DOCK1: variants seen among roughly 807,000 people sequenced by gnomAD.
The protein encoded by DOCK1 is dedicator of cytokinesis 1, also known as dedicator of cytokinesis protein 1.
DOCK1 carries 138 observed loss-of-function variants against 262.7 expected under a neutral mutation model. The ratio of observed to expected loss-of-function variants is 0.53; its 90% CI spans 0.46 to 0.61. The LOEUF (loss-of-function observed/expected upper bound fraction) is 0.61. Ranked by LOEUF, DOCK1 falls within the 20% of genes least tolerant of loss-of-function variation. The pLI is 0.00. For synonymous variants in DOCK1, 866 were observed against 867.4 expected (o/e 1.00, Z 0.03); for missense variants, 1,908 against 2,370.7 (o/e 0.80, Z 4.05).
intron 29 of DOCK1, among the ~76,000 whole-genome samples, chr10:127,266,723 C>G (rs551161560): frequency 1.3e-5 from 2 of 152,152 alleles, no homozygotes; most frequent in African/African-American, 2.4e-5. Flanking sequence ...AATTGAAACT[C>G]AGTATAGTGA....
At position 127,156,613 on chromosome 10, in the gene DOCK1, G is replaced by GCT. The variant is rs376971351; in HGVS notation, c.2847+28850_2847+28851dup. ...ACCAAGTTTCGCTCTTGTTGCCCAG[G>GCT]CTGGAGTGCAATGGGCACAATCTGG... is the stretch of plus-strand genomic sequence containing the variant. On this transcript the variant is annotated intron_variant, in intron 27 of 51. Coordinates refer to ENST00000623213, the MANE Select transcript of DOCK1 (RefSeq NM_001290223.2). 6.5e-3 allele frequency among the ~76,000 whole-genome samples: 841 copies of GCT among 128,520 alleles called. 3 individuals carry two copies. Among genetic ancestry groups the GCT allele is most frequent in the Admixed American group, 0.012 (124 of 10,670 alleles). 84.3% of individuals were successfully genotyped at this position (128,520 alleles called of 152,430 possible).
chr10:127,312,504 G>A (rs1293738551), intron 29 of DOCK1, among the ~76,000 whole-genome samples: 1 of 152,176 alleles, frequency 6.6e-6, no homozygotes, highest in Non-Finnish European at 1.5e-5. Context: ...ATGGTCTCCA[G>A]TGAGGGCTTC....
intron 1 of DOCK1, among the ~76,000 whole-genome samples, chr10:126,934,342 C>A (rs946984687): frequency 1.3e-5 from 2 of 152,092 alleles, no homozygotes; most frequent in African/African-American, 4.8e-5. Flanking sequence ...ACAAATGCTA[C>A]GCTCAGGGGT....
intron 27 of DOCK1, among the ~76,000 whole-genome samples, chr10:127,246,473 C>G (rs1007472490): frequency 6.6e-6 from 1 of 152,042 alleles, no homozygotes; most frequent in Non-Finnish European, 1.5e-5. Flanking sequence ...GAATGGTATG[C>G]CAAATATTTA....
At chr10:127,166,472 C>T (rs2054102093) in intron 27 of DOCK1, among the ~76,000 whole-genome samples, 1 of 152,220 alleles carries the variant, frequency 6.6e-6, no homozygotes, top group South Asian at 2.1e-4. Context: ...CTGGCATTAA[C>T]ATGTCTTACC....
intron 1 of DOCK1, among the ~76,000 whole-genome samples, chr10:126,955,998 T>C (rs1467862201): frequency 1.3e-5 from 2 of 152,182 alleles, no homozygotes; most frequent in African/African-American, 4.8e-5. Context: ...AGCCCAGGTC[T>C]GGTCAAGTCG....
chr10:126,983,293 C>A (rs2134874391), intron 4 of DOCK1, among the ~76,000 whole-genome samples: 1 of 152,298 alleles, frequency 6.6e-6, no homozygotes, highest in African/African-American at 2.4e-5. Context: ...CCTGAAGAAC[C>A]CCGGCCTTCA....
At chr10:127,197,052 C>G (rs546086152) in intron 27 of DOCK1, among the ~76,000 whole-genome samples, 1 of 152,292 alleles carries the variant, frequency 6.6e-6, no homozygotes, top group South Asian at 2.1e-4. Context: ...CGGATGCTGC[C>G]TTGTAGAAGC....
At chr10:127,142,431 G>C in intron 27 of DOCK1, among the ~76,000 whole-genome samples, 1 of 152,152 alleles carries the variant, frequency 6.6e-6, no homozygotes, top group East Asian at 1.9e-4. Flanking sequence ...GCATGGGCAG[G>C]GGAGTGTCCA....
At chr10:127,449,466 G>T (rs2070813964) in intron 51 of DOCK1, among the ~76,000 whole-genome samples, 1 of 152,186 alleles carries the variant, frequency 6.6e-6, no homozygotes, top group Non-Finnish European at 1.5e-5. Context: ...ACCATTGTGG[G>T]TTACTGATGC....
intron 5 of DOCK1, chr10:126,988,277 T>C (rs928321280): frequency 6.6e-6 from 1 of 152,206 alleles, no homozygotes; most frequent in African/African-American, 2.4e-5. Context: ...TTTGTTAAGC[T>C]TGTATTTCTA....
intron 38 of DOCK1, among the ~76,000 whole-genome samples, chr10:127,388,096 G>A (rs2066243147): frequency 6.6e-6 from 1 of 152,164 alleles, no homozygotes; most frequent in African/African-American, 2.4e-5. Context: ...TCCCTGTCGT[G>A]TCCAGGTTGA....
At chr10:127,399,738 A>T (rs547706967) in intron 38 of DOCK1, among the ~76,000 whole-genome samples, 2 of 151,076 alleles carry the variant, frequency 1.3e-5, no homozygotes, top group African/African-American at 2.4e-5. Context: ...CAGAAAATTT[A>T]AAAAAAAATA....
intron 27 of DOCK1, among the ~76,000 whole-genome samples, chr10:127,153,433 A>T (rs1281896056): frequency 6.6e-6 from 1 of 152,174 alleles, no homozygotes; most frequent in Non-Finnish European, 1.5e-5. Flanking sequence ...CAGGAAATGA[A>T]ATTCCACATT....
At chr10:126,952,170 G>A (rs941363071) in intron 1 of DOCK1, among the ~76,000 whole-genome samples, 1 of 152,000 alleles carries the variant, frequency 6.6e-6, no homozygotes, top group Non-Finnish European at 1.5e-5. Flanking sequence ...TATATAGGGT[G>A]TACACCAAGT....
At chr10:127,412,847 T>A (rs2067941939) in intron 43 of DOCK1, among the ~76,000 whole-genome samples, 1 of 152,136 alleles carries the variant, frequency 6.6e-6, no homozygotes, top group Non-Finnish European at 1.5e-5. Flanking sequence ...GAGCTTGGAG[T>A]TGGTGAAATC....
Position 127,176,185 on chromosome 10 carries a change from C to T in DOCK1, c.2847+48421C>T. 2 of 1,614,144 alleles carry T rather than the reference C, an allele frequency of 1.2e-6. No homozygotes were observed. Among genetic ancestry groups the T allele is most frequent in the Non-Finnish European group, 8.5e-7 (1 of 1,180,024 alleles). ...GACACGGGCTTGGCCTCCCGCTTCT[C>T]CCCCAGCTGGCCCGAGGACAGCTGT... On this transcript the variant is annotated intron_variant, in intron 27 of 51. Coordinates refer to ENST00000623213, the MANE Select transcript of DOCK1 (RefSeq NM_001290223.2). The surrounding 1 kb of genome is among the most constrained non-coding windows in gnomAD (Gnocchi z 4.4).
At chr10:127,257,754 T>G in intron 29 of DOCK1, 1 of 210,480 alleles carries the variant, frequency 4.8e-6, no homozygotes, top group South Asian at 1.4e-4. Context: ...ACCCACATAT[T>G]TGTATCAGCC....
rs751919597 is a variant in DOCK1, at chr10:127,176,333, G to A, written c.2847+48569G>A. 37 of 1,613,772 alleles carry A rather than the reference G, an allele frequency of 2.3e-5. No individual in the cohort carries two copies. The highest frequency in any genetic ancestry group is 3.3e-4 in the Middle Eastern group (2 of 6,084). On this transcript the variant is annotated intron_variant, in intron 27 of 51. Transcript: ENST00000623213. This position sits in a 1 kb window ranked among gnomAD's most constrained non-coding sequence, Gnocchi z 4.4. ...ATTTCATCTCCAGGGCCAGGCAGGC[G>A]GCGGGTTCCACTTCACTCTCCGACG...
Sources: gnomAD v4.1 joint callset for allele counts (sites outside exome capture counted in the v4.1 genomes callset) on GRCh38, gnomAD v4.1.1 for gene constraint, Gnocchi (gnomAD v3.1) non-coding constraint, MANE v1.5 for transcripts, NCBI Gene and HGNC (gene_info 2026-07-23, HGNC 2026-07-21) for gene names.